The following RUBCN variants were observed in gnomAD, a reference collection of about 807,000 sequenced individuals.
RUBCN encodes rubicon autophagy regulator, also known as run domain Beclin-1-interacting and cysteine-rich domain-containing protein.
Under a neutral mutation model 113.2 loss-of-function variants are expected in RUBCN, and 74 were observed. That is an observed-to-expected ratio of 0.65 (90% CI 0.54 to 0.79). The LOEUF is 0.79. Among genes scored for constraint, RUBCN ranks in the 30% least tolerant of loss-of-function variants. The pLI is 0.00. For missense variants in RUBCN, 1,109 were observed against 1,251.7 expected, an observed-to-expected ratio of 0.89 and a Z score of 1.72; for synonymous variants, 480 against 490.0, an observed-to-expected ratio of 0.98 and a Z score of 0.27.
intron 1 of RUBCN, among the ~76,000 whole-genome samples, chr3:197,731,933 A>G (rs1727549623): frequency 6.6e-6 from 1 of 152,262 alleles, no homozygotes; most frequent in South Asian, 2.1e-4. Flanking sequence ...GCTTCAAAAG[A>G]AAAATTAGGA....
intron 4 of RUBCN, among the ~76,000 whole-genome samples, chr3:197,704,066 T>C (rs1274633705): frequency 6.6e-6 from 1 of 152,142 alleles, no homozygotes; most frequent in Non-Finnish European, 1.5e-5. Context: ...TAAAGCTGGA[T>C]TGTGTCTTAC....
upstream of RUBCN, among the ~76,000 whole-genome samples, chr3:197,740,367 G>C (rs939336075): frequency 3.3e-5 from 5 of 151,720 alleles, no homozygotes; most frequent in Non-Finnish European, 1.5e-5. Flanking sequence ...TACTCGGGAG[G>C]CTGAGCCAGG....
intron 7 of RUBCN, chr3:197,699,169 G>A: frequency 6.5e-7 from 1 of 1,534,056 alleles, no homozygotes; most frequent in Non-Finnish European, 8.8e-7. Flanking sequence ...AGAGGAGGTG[G>A]AGGACCGATT....
At chr3:197,686,557 C>T (rs1423472092) in intron 11 of RUBCN, among the ~76,000 whole-genome samples, 1 of 152,158 alleles carries the variant, frequency 6.6e-6, no homozygotes, top group Non-Finnish European at 1.5e-5. Context: ...ACTCTCTGGT[C>T]GGTTCAAGCA....
chr3:197,715,945 A>T (rs1725467442), intron 2 of RUBCN, among the ~76,000 whole-genome samples: 1 of 152,224 alleles, frequency 6.6e-6, no homozygotes. Flanking sequence ...GAAAATTCTA[A>T]TTCAAAAAGA....
At chr3:197,691,279 G>T in intron 11 of RUBCN, 1 of 454,930 alleles carries the variant, frequency 2.2e-6, no homozygotes, top group Non-Finnish European at 4.1e-6. Flanking sequence ...TTAGGAACTT[G>T]CATCCTTGGG....
In RUBCN at chr3:197,669,297, G is replaced by C. The variant is rs959813097; in HGVS notation, c.*5721C>G. Among the ~76,000 whole-genome samples the C allele has an allele frequency of 6.6e-6, 1 of 151,904 alleles. No individual in the cohort carries two copies. The highest frequency in any genetic ancestry group is 1.5e-5 in the Non-Finnish European group (1 of 67,974). ...TTCACTAATATCCTTTCTCCATTTC[G>C]GGATCCCACCCGGGATCCCACATGG... On this transcript the variant is annotated 3_prime_UTR_variant, in exon 20 of 20. Coordinates refer to ENST00000296343, the MANE Select transcript of RUBCN (RefSeq NM_014687.4).
At chr3:197,695,527 G>C (rs963487699) in intron 9 of RUBCN, among the ~76,000 whole-genome samples, 2 of 152,186 alleles carry the variant, frequency 1.3e-5, no homozygotes, top group African/African-American at 2.4e-5. Context: ...CTCGAGCCCA[G>C]GAATTTGAGG....
intron 1 of RUBCN, among the ~76,000 whole-genome samples, chr3:197,732,813 C>A (rs189245241): frequency 6.6e-6 from 1 of 152,172 alleles, no homozygotes; most frequent in Admixed American, 6.5e-5. Flanking sequence ...GTGTTCAACT[C>A]GGATGAAGGA....
intron 2 of RUBCN, among the ~76,000 whole-genome samples, chr3:197,708,757 T>C (rs1724614938): frequency 6.6e-6 from 1 of 152,160 alleles, no homozygotes; most frequent in Non-Finnish European, 1.5e-5. Flanking sequence ...CTGTCAGTTG[T>C]ACTTGTTATA....
upstream of RUBCN, among the ~76,000 whole-genome samples, chr3:197,737,599 G>A (rs1209363237): frequency 6.6e-6 from 1 of 152,034 alleles, no homozygotes; most frequent in Non-Finnish European, 1.5e-5. Context: ...GCATTCTGGT[G>A]TGGGGAAACC....
chr3:197,729,962 A>G (rs1396944670), intron 1 of RUBCN, among the ~76,000 whole-genome samples: 3 of 152,172 alleles, frequency 2.0e-5, no homozygotes, highest in Non-Finnish European at 4.4e-5. Context: ...CACCAAATCC[A>G]GCCAATCACT....
chr3:197,691,016 G>A (rs1722360380), intron 11 of RUBCN: 1 of 922,420 alleles, frequency 1.1e-6, no homozygotes, highest in South Asian at 1.4e-5. Context: ...TACGAAAGCT[G>A]GTGCAACATT....
intron 11 of RUBCN, among the ~76,000 whole-genome samples, chr3:197,687,265 T>C (rs1721952440): frequency 1.3e-5 from 2 of 152,144 alleles, no homozygotes; most frequent in Non-Finnish European, 2.9e-5. Context: ...TCTTGTTTTA[T>C]AAAGAGGAAA....
At chr3:197,691,026 T>G (rs1722361753) in intron 11 of RUBCN, 1 of 1,029,994 alleles carries the variant, frequency 9.7e-7, no homozygotes, top group South Asian at 1.3e-5. Flanking sequence ...GGTGCAACAT[T>G]CTCACACATG....
At chr3:197,713,144 C>T (rs1378077190) in intron 2 of RUBCN, among the ~76,000 whole-genome samples, 1 of 152,190 alleles carries the variant, frequency 6.6e-6, no homozygotes, top group Non-Finnish European at 1.5e-5. Context: ...CAGGCATGAG[C>T]CACTGTGCCT....
intron 7 of RUBCN, chr3:197,699,296 A>G: frequency 8.2e-7 from 1 of 1,223,040 alleles, no homozygotes; most frequent in African/African-American, 1.5e-5. Context: ...AGAGAGAGAA[A>G]AAAAGTGTCC....
Position 197,675,086 on chromosome 3 carries a change from G to A in RUBCN, c.2851C>T (p.Leu951=), listed in dbSNP as rs768511264. Reference sequence around the variant, plus strand: ...GCGGGCTCCTCCTCGTAGTCTGACAGGTAAGACTCCAGGCTCTGCCTGGCC... The same window carrying A: ...GCGGGCTCCTCCTCGTAGTCTGACAAGTAAGACTCCAGGCTCTGCCTGGCC... The part of the protein sequence containing the change: ...ALARQSLESY[L]SDYEEEPAEA... The change falls in exon 20 of 20, where the codon CTG becomes TTG. Residue 951 remains leucine, a synonymous_variant. Transcript: ENST00000296343. The surrounding 1 kb of genome is among the most constrained non-coding windows in gnomAD (Gnocchi z 4.4). The A allele has an allele frequency of 1.2e-6, 2 of 1,613,412 alleles. No individual in the cohort carries two copies. Among genetic ancestry groups the A allele is most frequent in the Non-Finnish European group, 8.5e-7 (1 of 1,179,984 alleles).
chr3:197,739,570 C>A (rs1728431652), upstream of RUBCN, among the ~76,000 whole-genome samples: 1 of 151,902 alleles, frequency 6.6e-6, no homozygotes, highest in Admixed American at 6.6e-5. Context: ...GTGGCGGGCG[C>A]CTGTAGTCCC....
Sources: gnomAD v4.1 joint callset for allele counts (sites outside exome capture counted in the v4.1 genomes callset) on GRCh38, gnomAD v4.1.1 for gene constraint, Gnocchi (gnomAD v3.1) non-coding constraint, MANE v1.5 for transcripts, NCBI Gene and HGNC (gene_info 2026-07-23, HGNC 2026-07-21) for gene names.